The following OPCML variants were observed in gnomAD, a reference collection of about 807,000 sequenced individuals.
OPCML encodes opioid binding protein/cell adhesion molecule like.
In OPCML, 13 loss-of-function variants were observed where a neutral mutation model predicts 37.8. The observed-to-expected ratio is 0.34, with a 90% confidence interval of 0.22 to 0.55. The LOEUF (loss-of-function observed/expected upper bound fraction) is 0.55, where lower values mean the gene tolerates loss of function less well. Ranked by LOEUF, OPCML falls within the 20% of genes least tolerant of loss-of-function variation. The probability of loss-of-function intolerance (pLI) is 0.91; values close to 1 mark genes in which losing one functional copy is unlikely to be tolerated. For missense variants in OPCML, 341 were observed against 435.6 expected, an observed-to-expected ratio of 0.78 and a Z score of 1.93; for synonymous variants, 176 against 168.8, an observed-to-expected ratio of 1.04 and a Z score of -0.33.
intron 4 of OPCML, among the ~76,000 whole-genome samples, chr11:132,483,280 A>G (rs897812517): frequency 6.6e-6 from 1 of 150,696 alleles, no homozygotes; most frequent in African/African-American, 2.5e-5. Context: ...CCAACAACAG[A>G]CAAACAGCCA....
intron 1 of OPCML, among the ~76,000 whole-genome samples, chr11:133,269,513 G>C (rs574234842): frequency 1.3e-5 from 2 of 152,262 alleles, no homozygotes; most frequent in East Asian, 3.9e-4. Context: ...CATTGACATA[G>C]ACTGAACTTT....
intron 1 of OPCML, among the ~76,000 whole-genome samples, chr11:133,330,469 AAT>A (rs1296492356): frequency 8.5e-5 from 13 of 152,204 alleles, no homozygotes; most frequent in African/African-American, 2.9e-4. Context: ...GGATTAAGAA[AAT>A]GTGGCACATA....
chr11:132,458,228 C>T (rs569065416), intron 4 of OPCML, among the ~76,000 whole-genome samples: 119 of 152,248 alleles, frequency 7.8e-4, no homozygotes, highest in African/African-American at 2.6e-3. Flanking sequence ...AAGAGCATGA[C>T]GATTCATAAA....
Position 133,532,251 on chromosome 11 carries a change from C to T in OPCML, c.61+13G>A, listed in dbSNP as rs772967845. The T allele has an allele frequency of 1.9e-5, 30 of 1,613,420 alleles. No homozygotes were observed. Among genetic ancestry groups the T allele is most frequent in the Non-Finnish European group, 2.5e-5 (30 of 1,179,780 alleles). ...ACCCCAGGGAGAGAAAACACCCTTC[C>T]CCTGTACGGTACCTGGGATGAAGAG... On this transcript the variant is annotated intron_variant, in intron 1 of 7. Coordinates refer to ENST00000524381, the MANE Select transcript of OPCML (RefSeq NM_001012393.5).
intron 3 of OPCML, among the ~76,000 whole-genome samples, chr11:132,566,971 G>GC (rs2096424812): frequency 6.9e-6 from 1 of 144,566 alleles, no homozygotes; most frequent in South Asian, 2.2e-4. Context: ...CATCAGTTAG[G>GC]TTTTTTTTTT....
chr11:132,663,944 C>T (rs1235089330), intron 2 of OPCML, among the ~76,000 whole-genome samples: 14 of 152,116 alleles, frequency 9.2e-5, no homozygotes, highest in Non-Finnish European at 1.5e-4. Flanking sequence ...GCCATTCTCC[C>T]GCCTCAGCTT....
At chr11:133,016,035 T>C (rs1947328471) in intron 1 of OPCML, among the ~76,000 whole-genome samples, 1 of 152,216 alleles carries the variant, frequency 6.6e-6, no homozygotes, top group South Asian at 2.1e-4. Flanking sequence ...TGGCTGTACA[T>C]CCTCAGCCTC....
At chr11:133,198,267 C>A (rs765025663) in intron 1 of OPCML, among the ~76,000 whole-genome samples, 5 of 152,182 alleles carry the variant, frequency 3.3e-5, no homozygotes, top group Non-Finnish European at 4.4e-5. Context: ...CATAGCAAGA[C>A]GTGTGAAAAA....
At chr11:132,831,700 T>C (rs1940701023) in intron 2 of OPCML, among the ~76,000 whole-genome samples, 1 of 137,230 alleles carries the variant, frequency 7.3e-6, no homozygotes, top group East Asian at 2.5e-4. Context: ...CCATTCAGCA[T>C]CCCCCAACAC....
intron 1 of OPCML, among the ~76,000 whole-genome samples, chr11:133,125,959 T>C (rs1211213288): frequency 6.7e-6 from 1 of 149,094 alleles, no homozygotes; most frequent in Non-Finnish European, 1.5e-5. Flanking sequence ...ATGTATATAG[T>C]GTATATATAT....
At chr11:133,036,425 T>C (rs918811926) in intron 1 of OPCML, among the ~76,000 whole-genome samples, 1 of 152,250 alleles carries the variant, frequency 6.6e-6, no homozygotes. Flanking sequence ...TTTGTTTACA[T>C]GCCCACATGC....
At chr11:132,642,122 G>T (rs1474019867) in intron 3 of OPCML, among the ~76,000 whole-genome samples, 2 of 152,182 alleles carry the variant, frequency 1.3e-5, no homozygotes, top group Non-Finnish European at 2.9e-5. Flanking sequence ...CAGACTTGGG[G>T]AGGTCTCTAC....
intron 1 of OPCML, among the ~76,000 whole-genome samples, chr11:133,285,120 T>C (rs2136519694): frequency 6.6e-6 from 1 of 152,040 alleles, no homozygotes; most frequent in East Asian, 1.9e-4. Flanking sequence ...GAATTCTAGA[T>C]GAGAACCCAA....
intron 1 of OPCML, among the ~76,000 whole-genome samples, chr11:133,317,066 C>T (rs1325873996): frequency 3.9e-5 from 6 of 152,118 alleles, no homozygotes; most frequent in East Asian, 1.9e-4. Context: ...GGCGTGGTGG[C>T]GAATGCCTGT....
At chr11:132,908,104 C>T (rs1158430582) in intron 2 of OPCML, among the ~76,000 whole-genome samples, 1 of 152,164 alleles carries the variant, frequency 6.6e-6, no homozygotes, top group Non-Finnish European at 1.5e-5. Flanking sequence ...TGTTATACCT[C>T]TAGGAGACAA....
intron 2 of OPCML, among the ~76,000 whole-genome samples, chr11:132,873,711 G>C (rs1020317520): frequency 5.8e-5 from 7 of 120,286 alleles, no homozygotes; most frequent in African/African-American, 2.1e-4. Context: ...TGAGCAGTTG[G>C]GCACAAAAAA....
chr11:133,138,641 A>G (rs894579788), intron 1 of OPCML, among the ~76,000 whole-genome samples: 2 of 152,140 alleles, frequency 1.3e-5, no homozygotes, highest in Non-Finnish European at 2.9e-5. Flanking sequence ...GGACTACCAA[A>G]TCCCATTTAT....
At chr11:133,314,844 T>C (rs1943166292) in intron 1 of OPCML, among the ~76,000 whole-genome samples, 1 of 152,246 alleles carries the variant, frequency 6.6e-6, no homozygotes, top group Non-Finnish European at 1.5e-5. Context: ...GAGTGGGCTG[T>C]AATTTTAGCT....
chr11:132,569,601 G>A (rs1226352807), intron 3 of OPCML, among the ~76,000 whole-genome samples: 1 of 152,130 alleles, frequency 6.6e-6, no homozygotes, highest in Non-Finnish European at 1.5e-5. Context: ...GCAGTAGGGG[G>A]TAGCCTCATT....
Sources: gnomAD v4.1 joint callset for allele counts (sites outside exome capture counted in the v4.1 genomes callset) on GRCh38, gnomAD v4.1.1 for gene constraint, MANE v1.5 for transcripts, NCBI Gene and HGNC (gene_info 2026-07-23, HGNC 2026-07-21) for gene names.